Variants in PHRF1 observed in about 807,000 individuals in gnomAD.
The protein encoded by PHRF1 is PHD and RING finger domain-containing protein 1.
Under a neutral mutation model 128.9 loss-of-function variants are expected in PHRF1, and 53 were observed. That is an observed-to-expected ratio of 0.41 (90% CI 0.33 to 0.52). The LOEUF is 0.52. Ranked by LOEUF, PHRF1 falls within the 20% of genes least tolerant of loss-of-function variation. The pLI, the probability that PHRF1 is intolerant of heterozygous loss-of-function variation, is 0.21. For synonymous variants in PHRF1, 1,178 were observed against 980.6 expected (o/e 1.20, Z -3.76); for missense variants, 2,503 against 2,284.5 (o/e 1.10, Z -1.95).
In PHRF1 at chr11:606,455, G is replaced by T; in HGVS notation, c.1468G>T (p.Ala490Ser). The change falls in exon 13 of 18, where the codon GCC becomes TCC. Residue 490 changes from alanine to serine, a missense_variant. Ala to Ser is a moderately conservative substitution (Grantham distance 99). Coordinates refer to ENST00000264555, the MANE Select transcript of PHRF1 (RefSeq NM_001286581.2). ...SVGLSRRRLP[A>S]AVPEPDLEEE... ...CTGTGCCCACAGGAGGCGCCTCCCT[G>T]CCGCGGTGCCAGAGCCAGACTTGGA... is the stretch of plus-strand genomic sequence containing the variant. The T allele has an allele frequency of 6.4e-7, 1 of 1,560,446 alleles. No homozygotes were observed.
intron 6 of PHRF1, among the ~76,000 whole-genome samples, chr11:593,900 T>C (rs1855130166): frequency 6.6e-6 from 1 of 152,152 alleles, no homozygotes; most frequent in Non-Finnish European, 1.5e-5. Context: ...GTTTCCTGAG[T>C]GCTCTGCCCT....
chr11:605,090 T>G (rs773730076), intron 10 of PHRF1, 29 bp from the exon 11 acceptor site: 11 of 1,588,656 alleles, frequency 6.9e-6, no homozygotes, highest in Non-Finnish European at 8.6e-6. Context: ...CGTCTCTCTG[T>G]TCATCTTTTT....
rs1377162597 is a variant in PHRF1 at position 597,347 on chromosome 11, G to A, written c.719-48G>A. ...GCCACAGGGGGAGCCGTTGGGGGAG[G>A]CGTGTGGCCTGTGAGTGTGGCACAT... On this transcript the variant is annotated intron_variant, in intron 7 of 17. Transcript: ENST00000264555. The surrounding 1 kb of genome is among the most constrained non-coding windows in gnomAD (Gnocchi z 6.5). 3 of 1,577,524 alleles carry A rather than the reference G, an allele frequency of 1.9e-6. No individual in the cohort carries two copies. Among genetic ancestry groups the A allele is most frequent in the Non-Finnish European group, 2.6e-6 (3 of 1,159,630 alleles).
chr11:602,322 A>G (rs76185932), intron 10 of PHRF1, among the ~76,000 whole-genome samples: 10,582 of 152,282 alleles, frequency 0.069, 521 homozygotes, highest in Admixed American at 0.17. Context: ...GTGATGCTCA[A>G]ACCGGGACTA....
intron 4 of PHRF1, 143 bp from the exon 5 acceptor site, chr11:591,241 C>G: frequency 1.4e-6 from 1 of 738,796 alleles, no homozygotes; most frequent in South Asian, 1.6e-5. Flanking sequence ...TGTGCTCCCT[C>G]CACTGCCGTG....
intron 6 of PHRF1, among the ~76,000 whole-genome samples, chr11:594,970 C>G (rs1482786384): frequency 6.6e-6 from 1 of 152,208 alleles, no homozygotes; most frequent in African/African-American, 2.4e-5. Flanking sequence ...TCTCATACTT[C>G]TAAACATTTC....
In PHRF1 at chr11:597,441, T is replaced by C. The variant is rs1487876544; in HGVS notation, c.765T>C (p.Asp255=). Residue 255 remains aspartate (D), a synonymous_variant, in exon 8 of 18, where the codon GAT becomes GAC. Transcript: ENST00000264555. The surrounding 1 kb of genome is among the most constrained non-coding windows in gnomAD (Gnocchi z 6.5). The part of the protein sequence containing the change: ...SEEEVSLLLA[D]VVPTTSRLRP... Reference sequence around the variant, plus strand: ...AGGAGGTCTCCCTGCTCTTGGCTGATGTGGTGCCCACCACCAGCAGGCTTC... The same window carrying C: ...AGGAGGTCTCCCTGCTCTTGGCTGACGTGGTGCCCACCACCAGCAGGCTTC... 4 of 1,612,858 alleles carry C rather than the reference T, an allele frequency of 2.5e-6. No homozygotes were observed. Among genetic ancestry groups the C allele is most frequent in the Non-Finnish European group, 3.4e-6 (4 of 1,179,664 alleles).
At position 607,997 on chromosome 11, in the gene PHRF1, C is replaced by G. The variant is rs745509256; in HGVS notation, c.2541C>G (p.Pro847=). Residue 847 remains proline, a synonymous_variant, in exon 14 of 18, where the codon CCC becomes CCG. Coordinates refer to ENST00000264555, the MANE Select transcript of PHRF1 (RefSeq NM_001286581.2). The stretch of plus-strand genomic sequence containing the variant: ...ACTCCAGCGCCCCTGGCAGCAGCCC[C>G]GAGAGGTCTGGCCCCGGCCTCCTGC... ...GSDSSAPGSS[P]ERSGPGLLPS... 40 of 1,611,138 alleles carry G rather than the reference C, an allele frequency of 2.5e-5. No individual in the cohort carries two copies. Among genetic ancestry groups the G allele is most frequent in the Non-Finnish European group, 3.0e-5 (35 of 1,179,842 alleles).
At position 597,672 on chromosome 11, in the gene PHRF1, C is replaced by T. The variant is rs1026020161; in HGVS notation, c.894+102C>T. On this transcript the variant is annotated intron_variant, in intron 8 of 17. Transcript: ENST00000264555. This position sits in a 1 kb window ranked among gnomAD's most constrained non-coding sequence, Gnocchi z 6.5. ...GGGGCGTCGTCGGCACTGTGGGGTC[C>T]GCCCGGCCCCGGTGGCTCATGTTGT... 2.5e-5 allele frequency: 35 copies of T among 1,401,000 alleles called. No individual in the cohort carries two copies. The highest frequency in any genetic ancestry group is 1.5e-4 in the South Asian group (11 of 73,420). The allele number at this position is 1,401,000 out of a possible 1,614,324, so 86.8% of individuals were successfully genotyped here.
chr11:591,086 G>A (rs1235948375), intron 4 of PHRF1, among the ~76,000 whole-genome samples: 8 of 152,306 alleles, frequency 5.3e-5, no homozygotes, highest in African/African-American at 1.9e-4. Flanking sequence ...CAGGCTCGCC[G>A]CAGAGGGGCC....
At position 607,146 on chromosome 11, in the gene PHRF1, C is replaced by G; in HGVS notation, c.1690C>G (p.Leu564Val). Residue 564 changes from leucine to valine, a missense_variant, in exon 14 of 18, where the codon CTG becomes GTG. Leu to Val is a conservative substitution (Grantham distance 32). Coordinates refer to ENST00000264555, the MANE Select transcript of PHRF1 (RefSeq NM_001286581.2). Reference protein sequence around the residue: ...GFKGCLQPRALPSGSPAQGPS... With the variant: ...GFKGCLQPRAVPSGSPAQGPS... ...CAAGGGCTGCCTGCAGCCCCGAGCA[C>G]TGCCCTCCGGGAGCCCGGCCCAAGG... 6.2e-7 allele frequency: 1 copy of G among 1,613,038 alleles called. No individual in the cohort carries two copies. Among genetic ancestry groups the G allele is most frequent in the African/African-American group, 1.3e-5 (1 of 75,074 alleles).
intron 6 of PHRF1, among the ~76,000 whole-genome samples, chr11:593,584 C>T (rs1855108793): frequency 6.6e-6 from 1 of 152,260 alleles, no homozygotes; most frequent in African/African-American, 2.4e-5. Flanking sequence ...GGCCTCTGCT[C>T]CACTCACGCT....
At chr11:601,952 C>A (rs1002074975) in intron 10 of PHRF1, among the ~76,000 whole-genome samples, 2 of 152,214 alleles carry the variant, frequency 1.3e-5, no homozygotes. Context: ...GAGGGGTGGT[C>A]ATGTGCCCCC....
chr11:607,995 CCCG>C lies in PHRF1; in HGVS notation c.2540_2542del (p.Pro847_Glu848delinsGln). ...CGACTCCAGCGCCCCTGGCAGCAGC[CCCG>C]AGAGGTCTGGCCCCGGCCTCCTGCC... On this transcript the variant is annotated inframe_deletion, in exon 14 of 18. Coordinates refer to ENST00000264555, the MANE Select transcript of PHRF1 (RefSeq NM_001286581.2). 1 of 1,611,376 alleles carries C rather than the reference CCCG, an allele frequency of 6.2e-7. No homozygotes were observed. The highest frequency in any genetic ancestry group is 8.5e-7 in the Non-Finnish European group (1 of 1,179,846).
rs1307980290 is a variant in PHRF1 at position 597,960 on chromosome 11, C to T, written c.894+390C>T. 1.3e-5 allele frequency among the ~76,000 whole-genome samples: 2 copies of T among 152,232 alleles called. No individual in the cohort carries two copies. Among genetic ancestry groups the T allele is most frequent in the Non-Finnish European group, 2.9e-5 (2 of 68,036 alleles). On this transcript the variant is annotated intron_variant, in intron 8 of 17. Coordinates refer to ENST00000264555, the MANE Select transcript of PHRF1 (RefSeq NM_001286581.2). This position sits in a 1 kb window ranked among gnomAD's most constrained non-coding sequence, Gnocchi z 6.5. ...CCTGCAGCCTCCGTCCTGACAGCAG[C>T]CTTTCCCTGGGCATTGGACAAGCAG...
In PHRF1 at chr11:605,102, T is replaced by C. The variant is rs1023745721; in HGVS notation, c.1153-17T>C. 28 of 1,596,570 alleles carry C rather than the reference T, an allele frequency of 1.8e-5. No individual in the cohort carries two copies. The highest frequency in any genetic ancestry group is 2.4e-5 in the Non-Finnish European group (28 of 1,166,884). On this transcript the variant is annotated splice_polypyrimidine_tract_variant and intron_variant, in intron 10 of 17. Transcript: ENST00000264555. ...CCCCGTCTCTCTGTTCATCTTTTTC[T>C]TTGTTACTGGATTCAGAGTGAAGCC...
Position 605,678 on chromosome 11 carries a change from C to T in PHRF1, c.1408C>T (p.Gln470Ter). 1 of 1,613,306 alleles carries T rather than the reference C, an allele frequency of 6.2e-7. No homozygotes were observed. The highest frequency in any genetic ancestry group is 8.5e-7 in the Non-Finnish European group (1 of 1,179,870). Residue 470 changes from glutamine to a stop codon, truncating the protein, a stop_gained, in exon 12 of 18, where the codon CAG becomes TAG. Coordinates refer to ENST00000264555, the MANE Select transcript of PHRF1 (RefSeq NM_001286581.2). LOFTEE classifies it high-confidence loss of function. ...ACGGGCTCTGTCCCGGTCAGCCCTG[C>T]AGTCCCACCAGCCCGTGGCCAGGCC... ...KRRALSRSAL[Q>*]SHQPVARPVS...
rs978402176 is a variant in PHRF1, at chr11:596,861, TGAG to T, written c.621-57_621-55del. 3.7e-5 allele frequency: 54 copies of T among 1,469,062 alleles called. No homozygotes were observed. The African/African-American group carries it at 6.1e-4, about 17-fold the overall frequency. The allele number at this position is 1,469,062 out of a possible 1,614,324, so 91.0% of individuals were successfully genotyped here. ...AGGCCTGCTTTGTGGTCCCCTCACT[TGAG>T]GAGGTTTGGGAAAGCTGTGAGCAGC... On this transcript the variant is annotated intron_variant, in intron 6 of 17. Coordinates refer to ENST00000264555, the MANE Select transcript of PHRF1 (RefSeq NM_001286581.2).
chr11:610,536 G>A lies in PHRF1; in HGVS notation c.4452G>A (p.Gln1484=), dbSNP rs1355781796. ...CCGGCCTGCCGCCTGCCCCGGCCCA[G>A]CCCTCAAGCATCCCACCCTGCGCAC... ...YSPGLPPAPA[Q]PSSIPPCALV... Residue 1484 remains glutamine, a synonymous_variant, in exon 16 of 18, where the codon CAG becomes CAA. Transcript: ENST00000264555. 6.2e-7 allele frequency: 1 copy of A among 1,605,540 alleles called. No individual in the cohort carries two copies.
Sources: gnomAD v4.1 joint callset for allele counts (sites outside exome capture counted in the v4.1 genomes callset) on GRCh38, gnomAD v4.1.1 for gene constraint, Gnocchi (gnomAD v3.1) non-coding constraint, MANE v1.5 for transcripts, NCBI Gene and HGNC (gene_info 2026-07-23, HGNC 2026-07-21) for gene names.